The following TIAM2 variants were observed in gnomAD, a reference collection of about 807,000 sequenced individuals.
TIAM2 encodes the protein rho guanine nucleotide exchange factor TIAM2.
In TIAM2, 80 loss-of-function variants were observed where a neutral mutation model predicts 152.9. That is an observed-to-expected ratio of 0.52 (90% CI 0.44 to 0.63). TIAM2 has a LOEUF of 0.63. Ranked by LOEUF, TIAM2 falls within the 30% of genes least tolerant of loss-of-function variation. The pLI is 0.00. For missense variants in TIAM2, 1,965 were observed against 2,120.1 expected, an observed-to-expected ratio of 0.93 and a Z score of 1.44; for synonymous variants, 804 against 838.0, an observed-to-expected ratio of 0.96 and a Z score of 0.70.
intron 1 of TIAM2, among the ~76,000 whole-genome samples, chr6:155,080,713 G>T (rs571307490): frequency 3.3e-5 from 5 of 152,256 alleles, no homozygotes; most frequent in African/African-American, 1.2e-4. Context: ...GATTATAGAC[G>T]TGAGCCACTG....
At chr6:155,184,279 G>T (rs528262198) in intron 14 of TIAM2, among the ~76,000 whole-genome samples, 4 of 152,158 alleles carry the variant, frequency 2.6e-5, no homozygotes, top group African/African-American at 9.7e-5. Flanking sequence ...ATGAGCCACC[G>T]TGCCTGGCCA....
chr6:155,116,797 C>T (rs1396581569), intron 2 of TIAM2, among the ~76,000 whole-genome samples: 1 of 152,114 alleles, frequency 6.6e-6, no homozygotes, highest in Non-Finnish European at 1.5e-5. Context: ...TGGAGTGGCT[C>T]AAGCTCAGAA....
chr6:155,064,420 G>T (rs1277579523), intron 1 of TIAM2, among the ~76,000 whole-genome samples: 3 of 152,154 alleles, frequency 2.0e-5, no homozygotes, highest in Non-Finnish European at 2.9e-5. Context: ...GGTGTATCTG[G>T]GTTTATGTAT....
intron 2 of TIAM2, among the ~76,000 whole-genome samples, chr6:155,120,851 A>C (rs6557402): frequency 0.39 from 58,679 of 152,082 alleles, 12,713 homozygotes; most frequent in East Asian, 0.65. Flanking sequence ...AGACATGCCA[A>C]ATGTCCCTTG....
In TIAM2 at chr6:155,206,853, CA is replaced by C. The variant is rs201917424; in HGVS notation, c.3065-4348del. ...GACAAAAGGGTATATTAACCAGATACAAATAGATAACTCTTGACTTGAATTT... is the reference window on the plus strand; with the variant it reads ...GACAAAAGGGTATATTAACCAGATACAATAGATAACTCTTGACTTGAATTT... On this transcript the variant is annotated intron_variant, in intron 14 of 26. Transcript: ENST00000682666. Among the ~76,000 whole-genome samples the C allele has an allele frequency of 4.5e-4, 68 of 152,274 alleles. No homozygotes were observed. In the East Asian group the frequency reaches 0.012, roughly 27 times the overall value.
At chr6:155,011,527 A>G (rs1333718890) in intron 1 of TIAM2, among the ~76,000 whole-genome samples, 1 of 152,126 alleles carries the variant, frequency 6.6e-6, no homozygotes, top group Non-Finnish European at 1.5e-5. Context: ...GCTTGTCTCA[A>G]TGCACACTTC....
intron 21 of TIAM2, chr6:155,250,430 C>T: frequency 2.4e-6 from 2 of 820,858 alleles, no homozygotes; most frequent in Non-Finnish European, 3.7e-6. Context: ...CTTCTCAAGC[C>T]AGCATGCAGG....
chr6:155,216,289 C>G (rs1781859661), intron 15 of TIAM2, among the ~76,000 whole-genome samples: 1 of 152,160 alleles, frequency 6.6e-6, no homozygotes, highest in East Asian at 1.9e-4. Context: ...CCCAACTGGT[C>G]TTCTCAGGGG....
rs147053141 is a variant in TIAM2, at chr6:155,256,019, A to AAGGG, written c.4469-465_4469-464insAGGG. 3.3e-4 allele frequency: 49 copies of AAGGG among 146,486 alleles called. No individual in the cohort carries two copies. The East Asian group carries it at 6.5e-3, about 19-fold the overall frequency. The allele number at this position is 146,486 out of a possible 1,614,324, so 9.1% of individuals were successfully genotyped here. On this transcript the variant is annotated intron_variant, in intron 26 of 26. Coordinates refer to ENST00000682666, the MANE Select transcript of TIAM2 (RefSeq NM_012454.4). ...AGCAAGACACTGTCTTTAAAAAAAAAGGGGGGGGGAGGGGCATTTTCTACT... is the reference window on the plus strand; with the variant it reads ...AGCAAGACACTGTCTTTAAAAAAAAAAGGGGGGGGGGGGAGGGGCATTTTCTACT...
rs192466419 is a variant in TIAM2 at position 155,028,015 on chromosome 6, C to T, written c.-209+32523C>T. Reference sequence around the variant, plus strand: ...ATATATACTATATATAATATATGTACTGTGTTATATACTATATATAATATA... The same window carrying T: ...ATATATACTATATATAATATATGTATTGTGTTATATACTATATATAATATA... On this transcript the variant is annotated intron_variant, in intron 1 of 26. Transcript: ENST00000682666. Among the ~76,000 whole-genome samples the T allele has an allele frequency of 1.0e-3, 126 of 126,070 alleles. 8 individuals are homozygous for T. The highest frequency in any genetic ancestry group is 3.2e-3 in the African/African-American group (99 of 30,968). The allele number at this position is 126,070 out of a possible 152,430, so 82.7% of individuals were successfully genotyped here.
intron 1 of TIAM2, among the ~76,000 whole-genome samples, chr6:155,084,815 G>A (rs1778143629): frequency 6.6e-6 from 1 of 152,144 alleles, no homozygotes; most frequent in African/African-American, 2.4e-5. Context: ...TTCCTTTGTT[G>A]AGTGCAGCAT....
At chr6:155,162,260 C>T (rs535357768) in intron 7 of TIAM2, among the ~76,000 whole-genome samples, 11 of 152,312 alleles carry the variant, frequency 7.2e-5, no homozygotes, top group African/African-American at 2.6e-4. Flanking sequence ...GCCTTGCCGA[C>T]TCATTCATTT....
intron 1 of TIAM2, among the ~76,000 whole-genome samples, chr6:154,998,004 A>G (rs1415376989): frequency 6.6e-6 from 1 of 152,050 alleles, no homozygotes; most frequent in East Asian, 1.9e-4. Context: ...TTTTTGTATA[A>G]GTCAGTATAC....
chr6:155,016,536 A>AATTTAAATTTAAATGGTATTTAC lies in TIAM2; in HGVS notation c.-209+21076_-209+21098dup, dbSNP rs1260319726. On this transcript the variant is annotated intron_variant, in intron 1 of 26. Transcript: ENST00000682666. ...AAATGGTATTTACATTTAAATGGTA[A>AATTTAAATTTAAATGGTATTTAC]ATTTAAATTTAAATGGTATTTACAT... Among the ~76,000 whole-genome samples the AATTTAAATTTAAATGGTATTTAC allele has an allele frequency of 4.3e-4, 49 of 112,926 alleles. 1 individual carries two copies. The highest frequency in any genetic ancestry group is 8.0e-4 in the Non-Finnish European group (40 of 49,966). The allele number at this position is 112,926 out of a possible 152,430, so 74.1% of individuals were successfully genotyped here. A position where few individuals can be genotyped will look rare whatever the true frequency, so the allele number is the denominator to read the frequency against.
chr6:155,231,049 C>T (rs1014132789), intron 15 of TIAM2, among the ~76,000 whole-genome samples: 6 of 151,696 alleles, frequency 4.0e-5, no homozygotes, highest in Admixed American at 1.3e-4. Context: ...ACCATGTTGG[C>T]CAGGCTGGTC....
chr6:155,207,538 C>G (rs913296304), intron 14 of TIAM2, among the ~76,000 whole-genome samples: 1 of 152,248 alleles, frequency 6.6e-6, no homozygotes, highest in Non-Finnish European at 1.5e-5. Flanking sequence ...ATCTCAGGAA[C>G]TGTCCACAGC....
intron 5 of TIAM2, 142 bp downstream of exon 5, chr6:155,137,754 A>T: frequency 1.2e-6 from 1 of 834,362 alleles, no homozygotes; most frequent in Non-Finnish European, 1.8e-6. Context: ...CTTCATGCAG[A>T]TACTTTCTCA....
intron 10 of TIAM2, among the ~76,000 whole-genome samples, chr6:155,178,730 A>G (rs919254204): frequency 1.3e-5 from 2 of 151,950 alleles, no homozygotes; most frequent in African/African-American, 4.8e-5. Context: ...GTGTGCCACT[A>G]CACCTGGCTA....
intron 15 of TIAM2, among the ~76,000 whole-genome samples, chr6:155,227,389 G>C (rs1454250858): frequency 2.6e-5 from 4 of 152,158 alleles, no homozygotes; most frequent in Non-Finnish European, 1.5e-5. Flanking sequence ...CAACCCTATT[G>C]AACAGATATT....
Sources: gnomAD v4.1 joint callset for allele counts (sites outside exome capture counted in the v4.1 genomes callset) on GRCh38, gnomAD v4.1.1 for gene constraint, MANE v1.5 for transcripts, NCBI Gene and HGNC (gene_info 2026-07-23, HGNC 2026-07-21) for gene names.